Variants in CDC42BPB observed in about 807,000 individuals in gnomAD.
The protein encoded by CDC42BPB is CDC42 binding protein kinase beta.
CDC42BPB carries 37 observed loss-of-function variants against 214.9 expected under a neutral mutation model. The observed-to-expected ratio is 0.17, with a 90% confidence interval of 0.13 to 0.23. CDC42BPB has a LOEUF of 0.23. Among genes scored for constraint, CDC42BPB ranks in the 10% least tolerant of loss-of-function variants. The probability of loss-of-function intolerance (pLI) is 1.00; values close to 1 mark genes in which losing one functional copy is unlikely to be tolerated. For missense variants in CDC42BPB, 1,694 were observed against 2,227.0 expected (o/e 0.76, Z 4.82); for synonymous variants, 931 against 884.0 (o/e 1.05, Z -0.94).
intron 9 of CDC42BPB, among the ~76,000 whole-genome samples, chr14:102,976,814 G>A (rs1443434678): frequency 2.0e-5 from 3 of 152,156 alleles, no homozygotes; most frequent in Non-Finnish European, 4.4e-5. Flanking sequence ...AGAGCTCTAG[G>A]CCTATCTGGC....
chr14:102,985,888 C>T (rs1894223595), intron 6 of CDC42BPB, among the ~76,000 whole-genome samples: 1 of 152,372 alleles, frequency 6.6e-6, no homozygotes, highest in African/African-American at 2.4e-5. Flanking sequence ...TCGGCCATGA[C>T]GCTGGTCTGA....
At chr14:102,960,127 C>A (rs925342941) in intron 20 of CDC42BPB, among the ~76,000 whole-genome samples, 2 of 151,710 alleles carry the variant, frequency 1.3e-5, no homozygotes, top group African/African-American at 4.8e-5. Context: ...GAATCTCGAG[C>A]CCAGGAGGCA....
chr14:103,038,065 G>A (rs796842831), intron 1 of CDC42BPB, among the ~76,000 whole-genome samples: 12 of 149,954 alleles, frequency 8.0e-5, no homozygotes, highest in African/African-American at 2.7e-4. Context: ...GGCTGGGTGC[G>A]GTGGCTCATG....
In CDC42BPB at chr14:103,001,456, G is replaced by A. The variant is rs1163801966; in HGVS notation, c.448-1743C>T. Among the ~76,000 whole-genome samples, 3 of 152,182 alleles carry A rather than the reference G, an allele frequency of 2.0e-5. No homozygotes were observed. Among genetic ancestry groups the A allele is most frequent in the Non-Finnish European group, 2.9e-5 (2 of 68,030 alleles). On this transcript the variant is annotated intron_variant, in intron 4 of 36. Coordinates refer to ENST00000361246, the MANE Select transcript of CDC42BPB (RefSeq NM_006035.4). This position sits in a 1 kb window ranked among gnomAD's most constrained non-coding sequence, Gnocchi z 5.8. ...GCCAAGCAGAGGCCTGAGGGGAGCCGCGGTCGTGCTCCAGATGAAGGGGTG... is the reference window on the plus strand; with the variant it reads ...GCCAAGCAGAGGCCTGAGGGGAGCCACGGTCGTGCTCCAGATGAAGGGGTG...
intron 24 of CDC42BPB, 69 bp downstream of exon 24, chr14:102,952,429 G>T: frequency 1.0e-6 from 1 of 964,794 alleles, no homozygotes; most frequent in Non-Finnish European, 1.6e-6. Flanking sequence ...CCCTGGAGCC[G>T]GCTGGTGCCC....
intron 19 of CDC42BPB, 58 bp from the exon 20 acceptor site, chr14:102,963,213 T>G: frequency 6.4e-7 from 1 of 1,559,592 alleles, no homozygotes; most frequent in Non-Finnish European, 8.7e-7. Context: ...TGTGAGCTGG[T>G]ATGGGGCAGG....
At chr14:103,012,387 T>G in intron 1 of CDC42BPB, 199 bp from the exon 2 acceptor site, 2 of 571,572 alleles carry the variant, frequency 3.5e-6, no homozygotes, top group South Asian at 1.5e-4. Context: ...AGCCACGCAC[T>G]GGGTAACACT....
At chr14:102,960,390 G>A (rs1438304744) in intron 20 of CDC42BPB, among the ~76,000 whole-genome samples, 2 of 152,068 alleles carry the variant, frequency 1.3e-5, no homozygotes, top group Middle Eastern at 3.2e-3. Context: ...GCCAAGGTCG[G>A]AGGACTGCTT....
intron 1 of CDC42BPB, among the ~76,000 whole-genome samples, chr14:103,029,047 CA>C (rs1201633851): frequency 6.6e-6 from 1 of 152,014 alleles, no homozygotes; most frequent in African/African-American, 2.4e-5. Flanking sequence ...GTCAATATGT[CA>C]GGAATACTAT....
intron 20 of CDC42BPB, among the ~76,000 whole-genome samples, chr14:102,960,775 G>A (rs972581413): frequency 6.6e-6 from 1 of 152,140 alleles, no homozygotes; most frequent in Admixed American, 6.6e-5. Flanking sequence ...AACTGGTATT[G>A]GACAACCAGC....
At position 102,940,359 on chromosome 14, in the gene CDC42BPB, G is replaced by A. The variant is rs1026014117; in HGVS notation, c.4409-35C>T. ...ACGGAGCAGGGCGGGGTGAGCCACA[G>A]TGGCTCAGGAACTCACCTGCCCTCG... On this transcript the variant is annotated intron_variant, in intron 30 of 36. Transcript: ENST00000361246. The A allele has an allele frequency of 3.9e-6, 6 of 1,551,454 alleles. No individual in the cohort carries two copies. In the Middle Eastern group the frequency reaches 8.6e-4, roughly 222 times the overall value.
At position 103,017,484 on chromosome 14, in the gene CDC42BPB, G is replaced by A. The variant is rs986582186; in HGVS notation, c.176-5296C>T. 3.9e-5 allele frequency among the ~76,000 whole-genome samples: 6 copies of A among 152,026 alleles called. No individual in the cohort carries two copies. In the South Asian group the frequency reaches 6.2e-4, roughly 16 times the overall value. Reference sequence around the variant, plus strand: ...AAATGGTGACTTTACAGTGAAGTCAGGCAGACATCACCTGAAATCAAGCAA... The same window carrying A: ...AAATGGTGACTTTACAGTGAAGTCAAGCAGACATCACCTGAAATCAAGCAA... On this transcript the variant is annotated intron_variant, in intron 1 of 36. Coordinates refer to ENST00000361246, the MANE Select transcript of CDC42BPB (RefSeq NM_006035.4).
In CDC42BPB at chr14:102,963,145, C is replaced by T. The variant is rs1430397174; in HGVS notation, c.2737G>A (p.Asp913Asn). The T allele has an allele frequency of 2.5e-6, 4 of 1,594,942 alleles. No homozygotes were observed. Among genetic ancestry groups the T allele is most frequent in the Non-Finnish European group, 3.4e-6 (4 of 1,167,826 alleles). ...ANLTLESKLK[D>N]SEAKNRELLE... ...AATTCTCTGTTTTTGGCTTCGGAAT[C>T]CTTTAGTTTGCTAAAATAAAAAATA... The change falls in exon 20 of 37, where the codon GAT becomes AAT. Residue 913 changes from aspartate to asparagine, a missense_variant. Around this residue, in one of 7 missense-constraint regions of CDC42BPB, gnomAD observed 156 missense variants for 154.5 expected, o/e 1.01. Transcript: ENST00000361246.
At chr14:103,022,463 C>T (rs146033835) in intron 1 of CDC42BPB, among the ~76,000 whole-genome samples, 207 of 152,254 alleles carry the variant, frequency 1.4e-3, no homozygotes, top group Middle Eastern at 3.4e-3. Context: ...CTGGGCTCAA[C>T]GGATCCTCCC....
At chr14:102,946,329 G>T in intron 28 of CDC42BPB, 139 bp downstream of exon 28, 2 of 955,830 alleles carry the variant, frequency 2.1e-6, no homozygotes, top group Non-Finnish European at 3.1e-6. Flanking sequence ...GGCCTCGTCT[G>T]CTTCTTAACA....
At chr14:102,977,274 A>G (rs1410041799) in intron 9 of CDC42BPB, among the ~76,000 whole-genome samples, 1 of 143,684 alleles carries the variant, frequency 7.0e-6, no homozygotes, top group Admixed American at 7.7e-5. Flanking sequence ...GGGAGGCAGA[A>G]GTTGCAGTAA....
chr14:102,965,060 G>C (rs901484291), intron 18 of CDC42BPB, among the ~76,000 whole-genome samples: 1 of 152,082 alleles, frequency 6.6e-6, no homozygotes, highest in African/African-American at 2.4e-5. Flanking sequence ...CCAGTAGCCA[G>C]TAGCTGGGAT....
intron 12 of CDC42BPB, among the ~76,000 whole-genome samples, chr14:102,972,848 G>A (rs956910273): frequency 1.3e-5 from 2 of 151,766 alleles, no homozygotes; most frequent in African/African-American, 2.4e-5. Context: ...TGAAGCATTT[G>A]GGCACTCAAT....
intron 5 of CDC42BPB, among the ~76,000 whole-genome samples, chr14:102,993,142 A>G (rs1219885917): frequency 1.3e-5 from 2 of 152,176 alleles, no homozygotes; most frequent in African/African-American, 2.4e-5. Context: ...TCTGCTGAAT[A>G]TATTATTTTC....
Sources: allele counts gnomAD v4.1 joint callset (sites outside exome capture counted in the v4.1 genomes callset), GRCh38; gene constraint gnomAD v4.1.1; regional missense constraint gnomAD v4.1.1; non-coding constraint Gnocchi (gnomAD v3.1); transcripts MANE v1.5; gene names NCBI Gene and HGNC (gene_info 2026-07-23, HGNC 2026-07-21).